The following BMP2K variants were observed in gnomAD, a reference collection of about 807,000 sequenced individuals.
BMP2K encodes the protein BMP2 inducible kinase.
BMP2K carries 74 observed loss-of-function variants against 116.0 expected under a neutral mutation model. The observed-to-expected ratio is 0.64, with a 90% CI of 0.53 to 0.77. The LOEUF is 0.77. Ranked by LOEUF, BMP2K falls within the 30% of genes least tolerant of loss-of-function variation. The pLI is 0.00. For missense variants in BMP2K, 1,365 were observed against 1,403.6 expected, an observed-to-expected ratio of 0.97 and a Z score of 0.44; for synonymous variants, 486 against 502.5, an observed-to-expected ratio of 0.97 and a Z score of 0.44.
intron 14 of BMP2K, chr4:78,879,621 G>T (rs545427866): frequency 1.3e-3 from 234 of 176,780 alleles, no homozygotes; most frequent in African/African-American, 5.7e-3. Context: ...TCAGGTTTCT[G>T]AGGCTTTGTG....
chr4:78,836,453 G>A (rs185220414), intron 3 of BMP2K, among the ~76,000 whole-genome samples: 66 of 151,990 alleles, frequency 4.3e-4, no homozygotes, highest in African/African-American at 1.3e-3. Context: ...TATGCAGTAT[G>A]TTTAGACATT....
intron 1 of BMP2K, among the ~76,000 whole-genome samples, chr4:78,823,256 A>G (rs1729707153): frequency 6.6e-6 from 1 of 151,910 alleles, no homozygotes; most frequent in Admixed American, 6.6e-5. Flanking sequence ...CATTTCTGTA[A>G]TTCATAGGGA....
chr4:78,805,698 T>C lies in BMP2K; in HGVS notation c.179-20339T>C, dbSNP rs544198800. ...AAATACAGTTCCTTTAGGCTGGGTG[T>C]GGTGGCTCACACCTGTAACCCCAGC... On this transcript the variant is annotated intron_variant, in intron 1 of 15. Coordinates refer to ENST00000502613, the MANE Select transcript of BMP2K (RefSeq NM_198892.2). Among the ~76,000 whole-genome samples the C allele has an allele frequency of 2.6e-3, 392 of 152,254 alleles. 1 individual carries two copies. Among genetic ancestry groups the C allele is most frequent in the Non-Finnish European group, 4.4e-3 (301 of 68,014 alleles).
intron 10 of BMP2K, among the ~76,000 whole-genome samples, chr4:78,869,046 C>A (rs1406115798): frequency 6.6e-6 from 1 of 152,172 alleles, no homozygotes; most frequent in East Asian, 1.9e-4. Flanking sequence ...GACTTTGACC[C>A]CACATTTCCC....
chr4:78,814,624 C>T (rs1296767906), intron 1 of BMP2K, among the ~76,000 whole-genome samples: 1 of 152,018 alleles, frequency 6.6e-6, no homozygotes, highest in African/African-American at 2.4e-5. Context: ...TGTTTGCTTC[C>T]CCTTCTGCCA....
At chr4:78,814,179 GT>G (rs1729218810) in intron 1 of BMP2K, among the ~76,000 whole-genome samples, 1 of 152,088 alleles carries the variant, frequency 6.6e-6, no homozygotes, top group African/African-American at 2.4e-5. Flanking sequence ...GTTTCCCTCT[GT>G]CCTCAAGAAT....
At position 78,911,625 on chromosome 4, in the gene BMP2K, C is replaced by T; in HGVS notation, c.3078C>T (p.Arg1026=). Residue 1026 remains arginine, a synonymous_variant, in exon 16 of 16, where the codon CGC becomes CGT. Coordinates refer to ENST00000502613, the MANE Select transcript of BMP2K (RefSeq NM_198892.2). ...CTCGCAGGCACAAAAAAGTGGGCCG[C>T]CGAGACTCTCAAAGTAGCAATGAAT... ...ERARRHKKVG[R]RDSQSSNEFL... The T allele has an allele frequency of 6.2e-7, 1 of 1,614,004 alleles. No individual in the cohort carries two copies. Among genetic ancestry groups the T allele is most frequent in the Admixed American group, 1.7e-5 (1 of 60,024 alleles).
In BMP2K at chr4:78,776,703, G is replaced by A. The variant is rs1188807457; in HGVS notation, c.160G>A (p.Glu54Lys). ...GGTCGGCCGCCACCAGGTCACCCTG[G>A]AAGAGTCGCTGGCCGAAGGTACGGG... ...FAVGRHQVTL[E>K]ESLAEGGFST... The change falls in exon 1 of 16, where the codon GAA (glutamate) becomes AAA (lysine). Residue 54 changes from glutamate (E) to lysine (K), a missense_variant. Transcript: ENST00000502613. The A allele has an allele frequency of 7.9e-7, 1 of 1,264,900 alleles. No homozygotes were observed. The highest frequency in any genetic ancestry group is 1.0e-6 in the Non-Finnish European group (1 of 1,001,096). 78.4% of individuals were successfully genotyped at this position (1,264,900 alleles called of 1,614,324 possible). A position where few individuals can be genotyped will look rare whatever the true frequency, so the allele number is the denominator to read the frequency against.
At chr4:78,854,714 A>G (rs1217207855) in intron 7 of BMP2K, among the ~76,000 whole-genome samples, 2 of 152,136 alleles carry the variant, frequency 1.3e-5, no homozygotes, top group Non-Finnish European at 2.9e-5. Context: ...TTCAATACCC[A>G]TATTGTGGGA....
chr4:78,818,072 C>T (rs900240876), intron 1 of BMP2K, among the ~76,000 whole-genome samples: 1 of 151,970 alleles, frequency 6.6e-6, no homozygotes, highest in African/African-American at 2.4e-5. Context: ...ATTGCTGTTC[C>T]ATTAGGCAAA....
intron 1 of BMP2K, among the ~76,000 whole-genome samples, chr4:78,824,384 T>C (rs1424604690): frequency 6.6e-6 from 1 of 152,214 alleles, no homozygotes; most frequent in African/African-American, 2.4e-5. Context: ...CTCACAATCA[T>C]GGCAGAAGGT....
chr4:78,776,454 G>T lies in BMP2K; in HGVS notation c.-90G>T. ...CGCAGCACGCTCGGACGGGCCAGGG[G>T]CGGCGACCCCTCGCGGACGCCCGGC... On this transcript the variant is annotated 5_prime_UTR_variant, in exon 1 of 16. Coordinates refer to ENST00000502613, the MANE Select transcript of BMP2K (RefSeq NM_198892.2). 2 of 1,082,614 alleles carry T rather than the reference G, an allele frequency of 1.8e-6. No individual in the cohort carries two copies. The highest frequency in any genetic ancestry group is 2.2e-6 in the Non-Finnish European group (2 of 890,236). 67.1% of individuals were successfully genotyped at this position (1,082,614 alleles called of 1,614,324 possible). A position where few individuals can be genotyped will look rare whatever the true frequency, so the allele number is the denominator to read the frequency against.
chr4:78,804,169 T>G (rs1225348375), intron 1 of BMP2K, among the ~76,000 whole-genome samples: 1 of 152,196 alleles, frequency 6.6e-6, no homozygotes, highest in Non-Finnish European at 1.5e-5. Flanking sequence ...ATTTTCTGTC[T>G]CTATGGATTT....
chr4:78,815,162 A>T (rs1345867344), intron 1 of BMP2K, among the ~76,000 whole-genome samples: 1 of 152,188 alleles, frequency 6.6e-6, no homozygotes, highest in Non-Finnish European at 1.5e-5. Flanking sequence ...CACTATGGTC[A>T]GTCGAAACTA....
Position 78,845,047 on chromosome 4 carries a change from AAAGT to A in BMP2K, c.668+4_668+7del. The A allele has an allele frequency of 6.3e-7, 1 of 1,577,400 alleles. No homozygotes were observed. ...TTAATGTAGTAGAAGAAGAAATTAA[AAAGT>A]AAGTATTTGTCTTTATTGCACTTTT... On this transcript the variant is annotated splice_donor_variant and coding_sequence_variant, in exon 5 of 16. Coordinates refer to ENST00000502613, the MANE Select transcript of BMP2K (RefSeq NM_198892.2). LOFTEE classifies it high-confidence loss of function.
intron 1 of BMP2K, among the ~76,000 whole-genome samples, chr4:78,787,288 T>C (rs78094580): frequency 0.047 from 7,148 of 152,326 alleles, 587 homozygotes; most frequent in African/African-American, 0.16. Flanking sequence ...AGATATTTGT[T>C]AATAATGTAG....
intron 15 of BMP2K, among the ~76,000 whole-genome samples, chr4:78,904,497 C>T (rs748492834): frequency 6.6e-6 from 1 of 151,888 alleles, no homozygotes; most frequent in Non-Finnish European, 1.5e-5. Context: ...TTACAAGCCA[C>T]ACAAGATAAT....
rs752879944 is a variant in BMP2K at position 78,914,386 on chromosome 4, A to G, written c.*2353A>G. ...TCTTTCAAGATTGTAGCTCAGAGAA[A>G]AGATACAGGATTCAATTGGGGGTTC... On this transcript the variant is annotated 3_prime_UTR_variant, in exon 16 of 16. Transcript: ENST00000502613. 2 of 152,068 alleles carry G rather than the reference A, an allele frequency of 1.3e-5. No homozygotes were observed. The highest frequency in any genetic ancestry group is 2.9e-5 in the Non-Finnish European group (2 of 67,948). 9.4% of individuals were successfully genotyped at this position (152,068 alleles called of 1,614,324 possible). A position where few individuals can be genotyped will look rare whatever the true frequency, so the allele number is the denominator to read the frequency against.
chr4:78,890,860 A>C (rs1205653411), intron 15 of BMP2K, among the ~76,000 whole-genome samples: 1 of 151,964 alleles, frequency 6.6e-6, no homozygotes, highest in African/African-American at 2.4e-5. Context: ...CAACTCCTCT[A>C]GTTGTTGCTT....
Sources: allele counts gnomAD v4.1 joint callset (sites outside exome capture counted in the v4.1 genomes callset), GRCh38; gene constraint gnomAD v4.1.1; transcripts MANE v1.5; gene names NCBI Gene and HGNC (gene_info 2026-07-23, HGNC 2026-07-21).